ACSL5: variants seen among roughly 807,000 people sequenced by gnomAD.
The protein encoded by ACSL5 is acyl-CoA synthetase long chain family member 5, also known as long-chain-fatty-acid--CoA ligase 5.
A neutral mutation model predicts 84.9 loss-of-function variants in ACSL5; 50 were observed. The observed-to-expected ratio is 0.59, with a 90% CI of 0.47 to 0.75. The LOEUF is 0.75. Ranked by LOEUF, ACSL5 falls within the 30% of genes least tolerant of loss-of-function variation. The pLI, the probability that ACSL5 is intolerant of heterozygous loss-of-function variation, is 0.00. For missense variants in ACSL5, 775 were observed against 830.4 expected (o/e 0.93, Z 0.82); for synonymous variants, 280 against 300.7 (o/e 0.93, Z 0.71).
intron 14 of ACSL5, 147 bp from the exon 15 acceptor site, chr10:112,421,446 C>T: frequency 3.0e-6 from 2 of 670,434 alleles, no homozygotes; most frequent in Admixed American, 2.3e-5. Context: ...CAGGCATGAG[C>T]CACCGCCCCC....
At chr10:112,395,354 T>A (rs1843723853) in intron 2 of ACSL5, among the ~76,000 whole-genome samples, 1 of 152,226 alleles carries the variant, frequency 6.6e-6, no homozygotes, top group Non-Finnish European at 1.5e-5. Context: ...AAATCCATCT[T>A]TTTTTGTGCA....
intron 1 of ACSL5, among the ~76,000 whole-genome samples, chr10:112,392,463 C>T (rs547145982): frequency 8.3e-6 from 1 of 120,248 alleles, no homozygotes; most frequent in Non-Finnish European, 2.0e-5. Context: ...AAGAATTGGC[C>T]AGGTACGGTG....
intron 5 of ACSL5, among the ~76,000 whole-genome samples, chr10:112,408,120 G>A (rs981937922): frequency 6.6e-6 from 1 of 151,842 alleles, no homozygotes; most frequent in Non-Finnish European, 1.5e-5. Context: ...GAAACATGGT[G>A]AAATCCCGTC....
Position 112,428,238 on chromosome 10 carries a change from C to G in ACSL5, c.*880C>G. 2.6e-6 allele frequency: 1 copy of G among 382,310 alleles called. No homozygotes were observed. The highest frequency in any genetic ancestry group is 6.7e-4 in the Middle Eastern group (1 of 1,496). The allele number at this position is 382,310 out of a possible 1,614,324, so 23.7% of individuals were successfully genotyped here. A position where few individuals can be genotyped will look rare whatever the true frequency, so the allele number is the denominator to read the frequency against. ...TCTACAGGCAAGCAAGATGCCCACA[C>G]AACAGGCTTATTTTCTGTGAAGGAA... On this transcript the variant is annotated 3_prime_UTR_variant, in exon 21 of 21. Transcript: ENST00000354655.
At chr10:112,403,544 C>A (rs1843955447) in intron 3 of ACSL5, among the ~76,000 whole-genome samples, 1 of 152,208 alleles carries the variant, frequency 6.6e-6, no homozygotes, top group Admixed American at 6.5e-5. Context: ...CCTTGGCCTC[C>A]CAAAGTGCTG....
intron 17 of ACSL5, 42 bp from the exon 18 acceptor site, chr10:112,425,296 C>G (rs1218396813): frequency 6.4e-7 from 1 of 1,564,760 alleles, no homozygotes; most frequent in Non-Finnish European, 8.7e-7. Flanking sequence ...GATATCATCT[C>G]TGTGGCTCAA....
At chr10:112,399,117 CCA>C in intron 3 of ACSL5, 108 bp downstream of exon 3, 1 of 911,814 alleles carries the variant, frequency 1.1e-6, no homozygotes, top group Admixed American at 2.1e-5. Context: ...ATGCAGTGAT[CCA>C]AGTAGAATCG....
rs1844130065 is a variant in ACSL5 at position 112,409,537 on chromosome 10, C to A, written c.563C>A (p.Pro188His). 4.3e-6 allele frequency: 7 copies of A among 1,613,658 alleles called. No homozygotes were observed. The highest frequency in any genetic ancestry group is 5.9e-6 in the Non-Finnish European group (7 of 1,179,984). The change falls in exon 7 of 21, where the codon CCC (proline) becomes CAC (histidine). Residue 188 changes from proline (P) to histidine (H), a missense_variant. Physicochemically the swap from Pro to His is moderately conservative, Grantham distance 77 (BLOSUM62 -2). Transcript: ENST00000354655. ...ATCGCCATGGTGATCTGTGACACAC[C>A]CCAAAAGGCATTGGTGCTGATAGGG... ...ADIAMVICDT[P>H]QKALVLIGNV...
At chr10:112,380,819 G>A (rs992961450) in intron 1 of ACSL5, among the ~76,000 whole-genome samples, 21 of 152,116 alleles carry the variant, frequency 1.4e-4, no homozygotes, top group Admixed American at 1.2e-3. Context: ...GCACATCCAG[G>A]CTCCCAGGCT....
intron 7 of ACSL5, chr10:112,410,222 A>G: frequency 6.6e-7 from 1 of 1,509,276 alleles, no homozygotes; most frequent in Non-Finnish European, 8.9e-7. Context: ...TTAAGAGTAC[A>G]ATGGGAAGTT....
chr10:112,415,524 T>C (rs1309580469), intron 12 of ACSL5, among the ~76,000 whole-genome samples: 2 of 152,232 alleles, frequency 1.3e-5, no homozygotes, highest in Non-Finnish European at 2.9e-5. Context: ...GTCTTGTGAA[T>C]GTTGAAGAAA....
At chr10:112,379,685 T>C (rs1849311951) in intron 1 of ACSL5, among the ~76,000 whole-genome samples, 2 of 152,146 alleles carry the variant, frequency 1.3e-5, no homozygotes, top group Non-Finnish European at 2.9e-5. Context: ...CTGTGTACAG[T>C]GGCGGGGAAC....
At chr10:112,397,076 G>C (rs74502057) in intron 2 of ACSL5, among the ~76,000 whole-genome samples, 1 of 151,958 alleles carries the variant, frequency 6.6e-6, no homozygotes, top group Non-Finnish European at 1.5e-5. Context: ...GACCACACCC[G>C]CAGCACCTGT....
At chr10:112,412,253 ACTAT>A (rs1369900480) in intron 11 of ACSL5, 3 of 390,526 alleles carry the variant, frequency 7.7e-6, no homozygotes, top group African/African-American at 4.1e-5. Context: ...CTAGGAGCTT[ACTAT>A]CTATCTGCCC....
rs1554863993 is a variant in ACSL5, at chr10:112,411,627, T to TGC, written c.870+98_870+99insGC. ...GAGCAGGCAGACACACACACACACA[T>TGC]ACACACACACACACACACACGTTAA... On this transcript the variant is annotated intron_variant, in intron 10 of 20. Coordinates refer to ENST00000354655, the MANE Select transcript of ACSL5 (RefSeq NM_203379.2). 3.7e-6 allele frequency: 3 copies of TGC among 820,982 alleles called. No individual in the cohort carries two copies. In the Admixed American group the frequency reaches 7.1e-5, roughly 19 times the overall value. 50.9% of individuals were successfully genotyped at this position (820,982 alleles called of 1,614,324 possible).
chr10:112,422,004 T>G lies in ACSL5; in HGVS notation c.1445T>G (p.Met482Arg), dbSNP rs1589699218. The G allele has an allele frequency of 6.2e-7, 1 of 1,614,192 alleles. No individual in the cohort carries two copies. The highest frequency in any genetic ancestry group is 8.5e-7 in the Non-Finnish European group (1 of 1,180,036). Residue 482 changes from methionine (M) to arginine (R), a missense_variant, in exon 16 of 21, where the codon ATG (methionine) becomes AGG (arginine). Met to Arg is a moderately conservative substitution (Grantham distance 91). Transcript: ENST00000354655. ...GTGAAGCTGGAAGATGTGGCTGACA[T>G]GAACTACTTTACAGTGAATAATGAA... ...NYVKLEDVAD[M>R]NYFTVNNEGE...
Position 112,408,107 on chromosome 10 carries a change from T to C in ACSL5, c.433-315T>C, listed in dbSNP as rs1292508215. Among the ~76,000 whole-genome samples, 6 of 151,896 alleles carry C rather than the reference T, an allele frequency of 4.0e-5. No individual in the cohort carries two copies. In the East Asian group the frequency reaches 9.6e-4, roughly 24 times the overall value. ...TGAGCCTAGGAGTTTTATGCCAGAA[T>C]GGGAAACATGGTGAAATCCCGTCTC... On this transcript the variant is annotated intron_variant, in intron 5 of 20. Coordinates refer to ENST00000354655, the MANE Select transcript of ACSL5 (RefSeq NM_203379.2).
At position 112,421,620 on chromosome 10, in the gene ACSL5, T is replaced by G; in HGVS notation, c.1342T>G (p.Cys448Gly). ...GTATGAAGCTTATGGTCAAACAGAA[T>G]GCACAGGTGGCTGTACATTTACATT... Reference protein sequence around the residue: ...QVYEAYGQTECTGGCTFTLPG... With the variant: ...QVYEAYGQTEGTGGCTFTLPG... The change falls in exon 15 of 21, where the codon TGC becomes GGC. Residue 448 changes from cysteine to glycine, a missense_variant. Cys to Gly is a radical substitution (Grantham distance 159, BLOSUM62 -3). Coordinates refer to ENST00000354655, the MANE Select transcript of ACSL5 (RefSeq NM_203379.2). The G allele has an allele frequency of 1.2e-6, 2 of 1,614,184 alleles. No individual in the cohort carries two copies. The highest frequency in any genetic ancestry group is 1.7e-6 in the Non-Finnish European group (2 of 1,179,998).
rs1010262846 is a variant in ACSL5 at position 112,420,720 on chromosome 10, CT to C, written c.1315-863del. Among the ~76,000 whole-genome samples the C allele has an allele frequency of 1.3e-4, 19 of 148,698 alleles. No individual in the cohort carries two copies. The East Asian group carries it at 1.4e-3, about 11-fold the overall frequency. Reference sequence around the variant, plus strand: ...TGCTGCATTTTCTTTTCTTTTTTTTCTTTTTTTTTTCTTTTGAGATGTAGTC... The same window carrying C: ...TGCTGCATTTTCTTTTCTTTTTTTTCTTTTTTTTTCTTTTGAGATGTAGTC... On this transcript the variant is annotated intron_variant, in intron 14 of 20. Transcript: ENST00000354655.
Sources: gnomAD v4.1 joint callset for allele counts (sites outside exome capture counted in the v4.1 genomes callset) on GRCh38, gnomAD v4.1.1 for gene constraint, MANE v1.5 for transcripts, NCBI Gene and HGNC (gene_info 2026-07-23, HGNC 2026-07-21) for gene names.